ADGRL3: variants seen among roughly 807,000 people sequenced by gnomAD.
ADGRL3 encodes adhesion G protein-coupled receptor L3.
A neutral mutation model predicts 153.5 loss-of-function variants in ADGRL3; 62 were observed. That is an observed-to-expected ratio of 0.40 (90% CI 0.33 to 0.50). The LOEUF is 0.50. Ranked by LOEUF, ADGRL3 falls within the 20% of genes least tolerant of loss-of-function variation. The probability of loss-of-function intolerance (pLI) is 0.47; values close to 1 mark genes in which losing one functional copy is unlikely to be tolerated. For missense variants in ADGRL3, 1,641 were observed against 1,859.4 expected, an observed-to-expected ratio of 0.88 and a Z score of 2.16; for synonymous variants, 710 against 672.5, an observed-to-expected ratio of 1.06 and a Z score of -0.86.
Position 61,983,365 on chromosome 4 carries a change from A to G in ADGRL3, c.3016-18A>G, listed in dbSNP as rs780357613. On this transcript the variant is annotated intron_variant, in intron 18 of 26. Transcript: ENST00000683033. The stretch of plus-strand genomic sequence containing the variant: ...CATGTGGTAGAGATTTGACTAAATC[A>G]TTTGTTCCTTTTCCTAGATTGCCTG... The G allele has an allele frequency of 6.2e-7, 1 of 1,604,658 alleles. No homozygotes were observed. The highest frequency in any genetic ancestry group is 1.1e-5 in the South Asian group (1 of 90,752).
intron 17 of ADGRL3, among the ~76,000 whole-genome samples, chr4:61,952,202 G>A (rs545770804): frequency 1.4e-4 from 22 of 152,176 alleles, no homozygotes; most frequent in Non-Finnish European, 2.9e-4. Flanking sequence ...CAGACCAGGC[G>A]TGGTGGCTTA....
chr4:61,664,832 G>T (rs2094727693), intron 5 of ADGRL3, among the ~76,000 whole-genome samples: 1 of 152,096 alleles, frequency 6.6e-6, no homozygotes, highest in African/African-American at 2.4e-5. Flanking sequence ...AGAGAATGTT[G>T]TGTAATATAA....
chr4:61,468,831 G>C (rs2097913640), intron 2 of ADGRL3, among the ~76,000 whole-genome samples: 1 of 152,088 alleles, frequency 6.6e-6, no homozygotes, highest in Non-Finnish European at 1.5e-5. Context: ...GTCTGCTTTA[G>C]TTTTATCGAT....
chr4:61,829,788 A>C (rs2097849507), intron 9 of ADGRL3, among the ~76,000 whole-genome samples: 1 of 152,200 alleles, frequency 6.6e-6, no homozygotes, highest in Non-Finnish European at 1.5e-5. Flanking sequence ...CAAAAGACAC[A>C]GTGAAAAGAG....
At chr4:62,045,500 T>C (rs1164088636) in intron 25 of ADGRL3, among the ~76,000 whole-genome samples, 3 of 152,040 alleles carry the variant, frequency 2.0e-5, no homozygotes, top group Admixed American at 2.0e-4. Context: ...GTTAGTTTTT[T>C]GTTATATTTT....
intron 6 of ADGRL3, among the ~76,000 whole-genome samples, chr4:61,727,163 T>C (rs576843343): frequency 3.3e-4 from 51 of 152,276 alleles, no homozygotes; most frequent in African/African-American, 1.2e-3. Context: ...ATATATTATA[T>C]GTATTTTATA....
At chr4:61,827,751 C>A (rs936480745) in intron 9 of ADGRL3, among the ~76,000 whole-genome samples, 1 of 152,146 alleles carries the variant, frequency 6.6e-6, no homozygotes, top group African/African-American at 2.4e-5. Flanking sequence ...TCCTTGATTT[C>A]TAATTTAGAT....
rs188334351 is a variant in ADGRL3, at chr4:61,916,932, G to A, written c.2112+4175G>A. ...CGCACCACTGCACTCCAGCCTGGGC[G>A]ACAGAGTGAGACTCCATCTCCAAAA... On this transcript the variant is annotated intron_variant, in intron 13 of 26. Coordinates refer to ENST00000683033, the MANE Select transcript of ADGRL3 (RefSeq NM_001387552.1). Among the ~76,000 whole-genome samples, 728 of 151,864 alleles carry A rather than the reference G, an allele frequency of 4.8e-3. 3 individuals carry two copies. Among genetic ancestry groups the A allele is most frequent in the Non-Finnish European group, 7.9e-3 (534 of 67,974 alleles).
In ADGRL3 at chr4:61,577,520, G is replaced by A. The variant is rs142939535; in HGVS notation, c.260-9707G>A. ...TTGATGTTTATATACTGCTATGAAA[G>A]TATGCTGAGGCCAGATGAGGTGGCT... On this transcript the variant is annotated intron_variant, in intron 4 of 26. Coordinates refer to ENST00000683033, the MANE Select transcript of ADGRL3 (RefSeq NM_001387552.1). Among the ~76,000 whole-genome samples, 612 of 152,026 alleles carry A rather than the reference G, an allele frequency of 4.0e-3. 1 individual carries two copies. The highest frequency in any genetic ancestry group is 6.9e-3 in the South Asian group (33 of 4,816).
At chr4:61,741,997 C>G (rs1484090958) in intron 8 of ADGRL3, among the ~76,000 whole-genome samples, 1 of 152,188 alleles carries the variant, frequency 6.6e-6, no homozygotes, top group Non-Finnish European at 1.5e-5. Context: ...CTTTCTGTAG[C>G]CATTTCACTG....
intron 5 of ADGRL3, among the ~76,000 whole-genome samples, chr4:61,630,551 A>C (rs1480417051): frequency 6.6e-6 from 1 of 151,994 alleles, no homozygotes; most frequent in African/African-American, 2.4e-5. Flanking sequence ...CCCTCTTTGT[A>C]ACTCTCTCTT....
intron 6 of ADGRL3, among the ~76,000 whole-genome samples, chr4:61,686,450 A>C (rs952084417): frequency 6.6e-6 from 1 of 152,106 alleles, no homozygotes. Context: ...TAAAAAAATT[A>C]AATAATTGGT....
At chr4:61,493,847 A>G (rs2098282762) in intron 2 of ADGRL3, among the ~76,000 whole-genome samples, 1 of 152,200 alleles carries the variant, frequency 6.6e-6, no homozygotes, top group Admixed American at 6.5e-5. Flanking sequence ...TATTTGTGCC[A>G]TAGAGGAAAG....
At chr4:61,627,585 C>T (rs1036957319) in intron 5 of ADGRL3, among the ~76,000 whole-genome samples, 2 of 152,132 alleles carry the variant, frequency 1.3e-5, no homozygotes, top group South Asian at 2.1e-4. Flanking sequence ...CATGCCACTG[C>T]ACTCCAGCCT....
At chr4:61,317,826 C>T (rs1286746978) in intron 1 of ADGRL3, among the ~76,000 whole-genome samples, 1 of 152,098 alleles carries the variant, frequency 6.6e-6, no homozygotes, top group Admixed American at 6.6e-5. Context: ...TTTTACTCTT[C>T]TCCAACCCAG....
chr4:61,362,868 A>C (rs2096311933), intron 1 of ADGRL3, among the ~76,000 whole-genome samples: 2 of 152,178 alleles, frequency 1.3e-5, no homozygotes, highest in African/African-American at 4.8e-5. Flanking sequence ...ATTTTGAAAA[A>C]AAACCTTCTG....
At chr4:61,325,500 T>C (rs189216236) in intron 1 of ADGRL3, among the ~76,000 whole-genome samples, 1 of 152,268 alleles carries the variant, frequency 6.6e-6, no homozygotes, top group East Asian at 1.9e-4. Context: ...GTAGAAAACT[T>C]TGAAGGTTGA....
chr4:61,926,885 A>G (rs959048598), intron 13 of ADGRL3, among the ~76,000 whole-genome samples: 1 of 152,036 alleles, frequency 6.6e-6, no homozygotes, highest in Non-Finnish European at 1.5e-5. Context: ...GCTCTACCAT[A>G]AGGAATTTGT....
chr4:62,009,086 C>T (rs372514279), intron 21 of ADGRL3, among the ~76,000 whole-genome samples: 41 of 152,158 alleles, frequency 2.7e-4, no homozygotes, highest in South Asian at 8.3e-4. Context: ...CACACTACTA[C>T]GAAATCACCT....
Sources: gnomAD v4.1 joint callset for allele counts (sites outside exome capture counted in the v4.1 genomes callset) on GRCh38, gnomAD v4.1.1 for gene constraint, MANE v1.5 for transcripts, NCBI Gene and HGNC (gene_info 2026-07-23, HGNC 2026-07-21) for gene names.